PEDS1: variants seen among roughly 807,000 people sequenced by gnomAD.
The protein encoded by PEDS1 is CarF homolog.
In PEDS1, 14 loss-of-function variants were observed where a neutral mutation model predicts 35.2. The ratio of observed to expected loss-of-function variants is 0.40; its 90% CI spans 0.26 to 0.62. The LOEUF (loss-of-function observed/expected upper bound fraction) is 0.62. Among genes scored for constraint, PEDS1 ranks in the 20% least tolerant of loss-of-function variants. PEDS1 has a pLI of 0.44. For missense variants in PEDS1, 260 were observed against 367.8 expected (o/e 0.71, Z 2.40); for synonymous variants, 152 against 152.0 (o/e 1.00, Z 0.00).
chr20:50,119,836 A>T lies in PEDS1; in HGVS notation c.*5222T>A, dbSNP rs2081036163. On this transcript the variant is annotated 3_prime_UTR_variant, in exon 6 of 6. Transcript: ENST00000371652. ...ACGTGGTCTCCGATGCAACGACTCA[A>T]TTCTGCCACTGCAGTGCAAAAGCAG... is the stretch of plus-strand genomic sequence containing the variant. 1 of 152,238 alleles carries T rather than the reference A, an allele frequency of 6.6e-6. No individual in the cohort carries two copies. The highest frequency in any genetic ancestry group is 1.5e-5 in the Non-Finnish European group (1 of 68,050). 9.4% of individuals were successfully genotyped at this position (152,238 alleles called of 1,614,324 possible). A position where few individuals can be genotyped will look rare whatever the true frequency, so the allele number is the denominator to read the frequency against.
chr20:50,144,156 C>T (rs2081323558), intron 1 of PEDS1, among the ~76,000 whole-genome samples: 2 of 152,184 alleles, frequency 1.3e-5, no homozygotes, highest in African/African-American at 2.4e-5. Context: ...AAGGATGGGG[C>T]CCTTCAGAGA....
intron 1 of PEDS1, among the ~76,000 whole-genome samples, chr20:50,153,224 G>C (rs1002714587): frequency 2.0e-5 from 3 of 151,966 alleles, no homozygotes; most frequent in African/African-American, 4.8e-5. Flanking sequence ...AGAATGCCCC[G>C]GGGCTAGGAT....
chr20:50,132,281 G>A (rs1033847238), intron 2 of PEDS1, among the ~76,000 whole-genome samples: 2 of 152,172 alleles, frequency 1.3e-5, no homozygotes, highest in African/African-American at 4.8e-5. Context: ...TGCTTTACAG[G>A]CTAGATCTTG....
rs767439692 is a variant in PEDS1 at position 50,125,205 on chromosome 20, T to C, written c.692-26A>G. On this transcript the variant is annotated intron_variant, in intron 5 of 5. Transcript: ENST00000371652. ...CTGCAGTAGAAATGGCAGCGGGAGT[T>C]TGAATGGGAGAGAGTAGTCAAGGGG... 6 of 1,611,858 alleles carry C rather than the reference T, an allele frequency of 3.7e-6. No individual in the cohort carries two copies. In the African/African-American group the frequency reaches 5.4e-5, roughly 14 times the overall value.
chr20:50,128,240 C>T lies in PEDS1; in HGVS notation c.479-53G>A. 1 of 1,602,788 alleles carries T rather than the reference C, an allele frequency of 6.2e-7. No homozygotes were observed. Among genetic ancestry groups the T allele is most frequent in the Non-Finnish European group, 8.5e-7 (1 of 1,174,960 alleles). On this transcript the variant is annotated intron_variant, in intron 4 of 5. Coordinates refer to ENST00000371652, the MANE Select transcript of PEDS1 (RefSeq NM_199129.4). This position sits in a 1 kb window ranked among gnomAD's most constrained non-coding sequence, Gnocchi z 5.2. Reference sequence around the variant, plus strand: ...CACAGCTGTCACTCGGGACGGGGAACCCACCCCAAATGGCCCTCACCACCT... The same window carrying T: ...CACAGCTGTCACTCGGGACGGGGAATCCACCCCAAATGGCCCTCACCACCT...
rs1247857861 is a variant in PEDS1 at position 50,127,967 on chromosome 20, G to T, written c.691+8C>A. On this transcript the variant is annotated splice_region_variant and intron_variant, in intron 5 of 5. Coordinates refer to ENST00000371652, the MANE Select transcript of PEDS1 (RefSeq NM_199129.4). ...GGAAAGCCCATTCCACGCCACTGGT[G>T]GCCGCACCTGTGGTGATGCAGAAGT... 1.2e-6 allele frequency: 2 copies of T among 1,612,832 alleles called. No individual in the cohort carries two copies. Among genetic ancestry groups the T allele is most frequent in the Non-Finnish European group, 1.7e-6 (2 of 1,179,540 alleles).
intron 1 of PEDS1, among the ~76,000 whole-genome samples, chr20:50,146,759 G>A (rs2081349234): frequency 1.3e-5 from 2 of 152,174 alleles, no homozygotes; most frequent in African/African-American, 4.8e-5. Flanking sequence ...AGCCCAGGAA[G>A]GAGAAGGACC....
At chr20:50,126,955 C>A (rs2081112828) in intron 5 of PEDS1, among the ~76,000 whole-genome samples, 1 of 152,182 alleles carries the variant, frequency 6.6e-6, no homozygotes. Context: ...CCCCTTCTCT[C>A]CTCCCTCTTC....
chr20:50,128,640 C>A lies in PEDS1; in HGVS notation c.479-453G>T, dbSNP rs535827861. 7.1e-4 allele frequency among the ~76,000 whole-genome samples: 108 copies of A among 152,242 alleles called. No individual in the cohort carries two copies. Among genetic ancestry groups the A allele is most frequent in the Admixed American group, 4.9e-3 (75 of 15,274 alleles). ...TCAAGGGAGCCTCTTCAGGAAAAAA[C>A]CTCGAAGGGAGGGAGGGAAGCAAGA... On this transcript the variant is annotated intron_variant, in intron 4 of 5. Transcript: ENST00000371652. This position sits in a 1 kb window ranked among gnomAD's most constrained non-coding sequence, Gnocchi z 5.2.
chr20:50,135,752 T>C (rs536721329), intron 2 of PEDS1, among the ~76,000 whole-genome samples: 2 of 146,078 alleles, frequency 1.4e-5, no homozygotes, highest in East Asian at 2.2e-4. Context: ...CATGCAACCA[T>C]AGAGCTGCCT....
At position 50,153,660 on chromosome 20, in the gene PEDS1, G is replaced by A. The variant is rs1413652093; in HGVS notation, c.-23C>T. On this transcript the variant is annotated 5_prime_UTR_variant, in exon 1 of 6. Coordinates refer to ENST00000371652, the MANE Select transcript of PEDS1 (RefSeq NM_199129.4). The stretch of plus-strand genomic sequence containing the variant: ...CATGGCCACTCGCCCGATCGGCCCG[G>A]TGCGCTCTGCTGGCGGCGGCGGCGG... 4 of 1,222,768 alleles carry A rather than the reference G, an allele frequency of 3.3e-6. No homozygotes were observed. The highest frequency in any genetic ancestry group is 3.2e-5 in the East Asian group (1 of 30,976). 75.7% of individuals were successfully genotyped at this position (1,222,768 alleles called of 1,614,324 possible). A position where few individuals can be genotyped will look rare whatever the true frequency, so the allele number is the denominator to read the frequency against.
chr20:50,148,970 T>C (rs749747689), intron 1 of PEDS1, among the ~76,000 whole-genome samples: 1 of 151,884 alleles, frequency 6.6e-6, no homozygotes, highest in Admixed American at 6.6e-5. Flanking sequence ...AAAAATTAGC[T>C]GGGCGTGGTG....
At chr20:50,135,477 G>A (rs902835911) in intron 2 of PEDS1, among the ~76,000 whole-genome samples, 6 of 151,898 alleles carry the variant, frequency 4.0e-5, no homozygotes, top group African/African-American at 1.5e-4. Context: ...TGACCAACAT[G>A]GAGAAACCCT....
rs1417500371 is a variant in PEDS1, at chr20:50,119,812, C to A, written c.*5246G>T. Reference sequence around the variant, plus strand: ...TAAATATTTTAGGCTGTGTGGACCACGTGGTCTCCGATGCAACGACTCAAT... The same window carrying A: ...TAAATATTTTAGGCTGTGTGGACCAAGTGGTCTCCGATGCAACGACTCAAT... On this transcript the variant is annotated 3_prime_UTR_variant, in exon 6 of 6. Coordinates refer to ENST00000371652, the MANE Select transcript of PEDS1 (RefSeq NM_199129.4). 1 of 152,192 alleles carries A rather than the reference C, an allele frequency of 6.6e-6. No individual in the cohort carries two copies. The highest frequency in any genetic ancestry group is 2.4e-5 in the African/African-American group (1 of 41,428). The allele number at this position is 152,192 out of a possible 1,614,324, so 9.4% of individuals were successfully genotyped here.
chr20:50,151,899 A>C (rs1052627820), intron 1 of PEDS1, among the ~76,000 whole-genome samples: 1 of 151,964 alleles, frequency 6.6e-6, no homozygotes, highest in Non-Finnish European at 1.5e-5. Flanking sequence ...CAACAAAAAA[A>C]CCCACACAAC....
intron 1 of PEDS1, 34 bp from the exon 2 acceptor site, chr20:50,143,655 A>C: frequency 6.2e-7 from 1 of 1,612,514 alleles, no homozygotes; most frequent in East Asian, 2.2e-5. Flanking sequence ...TAAAGGCTGG[A>C]AGGTCAAGGC....
chr20:50,124,985 G>A lies in PEDS1; in HGVS notation c.*73C>T, dbSNP rs2081084080. ...CCATCTGGAGGGGCCAGCTCAAAGAGGCTGGAATTTGGCAGATGGCTTCGG... is the reference window on the plus strand; with the variant it reads ...CCATCTGGAGGGGCCAGCTCAAAGAAGCTGGAATTTGGCAGATGGCTTCGG... On this transcript the variant is annotated 3_prime_UTR_variant, in exon 6 of 6. Coordinates refer to ENST00000371652, the MANE Select transcript of PEDS1 (RefSeq NM_199129.4). The A allele has an allele frequency of 6.3e-7, 1 of 1,590,158 alleles. No homozygotes were observed. The highest frequency in any genetic ancestry group is 1.3e-5 in the African/African-American group (1 of 74,540).
intron 1 of PEDS1, among the ~76,000 whole-genome samples, chr20:50,148,120 G>A (rs1273466189): frequency 6.6e-6 from 1 of 152,200 alleles, no homozygotes; most frequent in East Asian, 1.9e-4. Context: ...AACTTAAGTA[G>A]CTTTCACTGA....
At chr20:50,150,265 A>T (rs2081389300) in intron 1 of PEDS1, among the ~76,000 whole-genome samples, 1 of 152,164 alleles carries the variant, frequency 6.6e-6, no homozygotes, top group African/African-American at 2.4e-5. Context: ...TATGGCTGTC[A>T]ACTGTCACAG....
Sources: allele counts gnomAD v4.1 joint callset (sites outside exome capture counted in the v4.1 genomes callset), GRCh38; gene constraint gnomAD v4.1.1; non-coding constraint Gnocchi (gnomAD v3.1); transcripts MANE v1.5; gene names NCBI Gene and HGNC (gene_info 2026-07-23, HGNC 2026-07-21).